KALRN: variants seen among roughly 807,000 people sequenced by gnomAD.
The protein encoded by KALRN is kalirin.
KALRN carries 70 observed loss-of-function variants against 353.7 expected under a neutral mutation model. The observed-to-expected ratio is 0.20, with a 90% CI of 0.16 to 0.24. The LOEUF (loss-of-function observed/expected upper bound fraction) is 0.24. KALRN is among the 10% of genes least tolerant of loss of function. The pLI is 1.00. For synonymous variants in KALRN, 1,391 were observed against 1,434.8 expected (o/e 0.97, Z 0.69); for missense variants, 2,791 against 3,756.7 (o/e 0.74, Z 6.72).
At position 124,671,669 on chromosome 3, in the gene KALRN, C is replaced by G. The variant is rs753559897; in HGVS notation, c.6713C>G (p.Ser2238Trp). The G allele has an allele frequency of 8.7e-6, 14 of 1,611,052 alleles. No homozygotes were observed. The South Asian group carries it at 1.4e-4, about 16-fold the overall frequency. ...TGCTCTTATCCCACAGCACTGCAAT[C>G]GCCCATTGAGTATCAACGGAAAGAA... Reference protein sequence around the residue: ...TQRDFLNALQSPIEYQRKERS... With the variant: ...TQRDFLNALQWPIEYQRKERS... Residue 2238 changes from serine (S) to tryptophan (W), a missense_variant, in exon 48 of 60, where the codon TCG (serine) becomes TGG (tryptophan). By Grantham distance (177) the Ser-to-Trp change is radical. This residue lies in a region of KALRN where 1,065 missense variants were observed against 1,156.4 expected (regional missense o/e 0.92). Coordinates refer to ENST00000682506, the MANE Select transcript of KALRN (RefSeq NM_001388419.1).
intron 16 of KALRN, among the ~76,000 whole-genome samples, chr3:124,432,666 T>C (rs2093325010): frequency 1.3e-5 from 2 of 152,196 alleles, no homozygotes; most frequent in Non-Finnish European, 2.9e-5. Context: ...TGAGGAAGCA[T>C]GGGTAAATGT....
chr3:124,229,033 A>T (rs985428655), intron 2 of KALRN, among the ~76,000 whole-genome samples: 1 of 152,208 alleles, frequency 6.6e-6, no homozygotes, highest in Non-Finnish European at 1.5e-5. Flanking sequence ...ATAATCTAGA[A>T]TAATTGCCCT....
At chr3:124,200,413 G>T (rs1296290860) in intron 1 of KALRN, among the ~76,000 whole-genome samples, 1 of 152,190 alleles carries the variant, frequency 6.6e-6, no homozygotes, top group Non-Finnish European at 1.5e-5. Flanking sequence ...GCGAGGGCAT[G>T]TTCCTCATGA....
intron 1 of KALRN, among the ~76,000 whole-genome samples, chr3:124,156,737 G>T (rs1680131815): frequency 6.6e-6 from 1 of 152,122 alleles, no homozygotes; most frequent in South Asian, 2.1e-4. Context: ...TCCATGTGTT[G>T]GGGTCCTGTG....
intron 33 of KALRN, among the ~76,000 whole-genome samples, chr3:124,522,018 A>G (rs2067204938): frequency 1.3e-5 from 2 of 152,304 alleles, no homozygotes; most frequent in East Asian, 1.9e-4. Flanking sequence ...ATAACACAGC[A>G]TATTAGAAGA....
chr3:124,427,835 G>A (rs937457753), intron 15 of KALRN, among the ~76,000 whole-genome samples: 1 of 152,216 alleles, frequency 6.6e-6, no homozygotes, highest in Admixed American at 6.5e-5. Flanking sequence ...TATCTTTAAA[G>A]ATCATCTAAC....
chr3:124,417,293 T>C (rs187017190), intron 14 of KALRN, among the ~76,000 whole-genome samples: 4,813 of 152,316 alleles, frequency 0.032, 230 homozygotes, highest in African/African-American at 0.11. Context: ...TTCTGTCTAC[T>C]GTGGCACGCC....
intron 10 of KALRN, among the ~76,000 whole-genome samples, chr3:124,353,566 T>A (rs2083062948): frequency 2.0e-5 from 3 of 152,170 alleles, no homozygotes. Context: ...GAAAGCTACA[T>A]CATCTGGCAA....
At chr3:124,379,838 C>T (rs1334626352) in intron 10 of KALRN, among the ~76,000 whole-genome samples, 1 of 152,216 alleles carries the variant, frequency 6.6e-6, no homozygotes, top group Non-Finnish European at 1.5e-5. Context: ...CTGTAAAGTA[C>T]TATTCAAATG....
intron 10 of KALRN, among the ~76,000 whole-genome samples, chr3:124,372,490 A>G (rs2085968264): frequency 1.0e-5 from 1 of 98,188 alleles, no homozygotes; most frequent in African/African-American, 3.5e-5. Context: ...TTTCTTATCT[A>G]TAATATAATA....
intron 34 of KALRN, among the ~76,000 whole-genome samples, chr3:124,597,787 T>C (rs959931695): frequency 4.3e-5 from 6 of 138,140 alleles, no homozygotes; most frequent in African/African-American, 1.5e-4. Context: ...AAATATGAGA[T>C]TAAAAAAAAA....
At chr3:124,546,902 A>G (rs2069745247) in intron 33 of KALRN, among the ~76,000 whole-genome samples, 1 of 152,152 alleles carries the variant, frequency 6.6e-6, no homozygotes, top group Non-Finnish European at 1.5e-5. Context: ...TGGGGCAGGT[A>G]TTTGGGAACT....
chr3:124,316,716 C>A (rs1209364679), intron 6 of KALRN, among the ~76,000 whole-genome samples: 2 of 152,198 alleles, frequency 1.3e-5, no homozygotes, highest in East Asian at 1.9e-4. Flanking sequence ...TTATGTAACA[C>A]TGAAATAAAG....
intron 43 of KALRN, among the ~76,000 whole-genome samples, chr3:124,660,333 A>G (rs969949504): frequency 7.9e-5 from 12 of 152,274 alleles, no homozygotes; most frequent in African/African-American, 2.4e-4. Flanking sequence ...CTTTCTTGTC[A>G]TAATCCCCCT....
chr3:124,127,792 A>AG (rs1345732423), intron 1 of KALRN, among the ~76,000 whole-genome samples: 1 of 152,224 alleles, frequency 6.6e-6, no homozygotes, highest in African/African-American at 2.4e-5. Flanking sequence ...TCAACCCTCT[A>AG]GAGTAATGCA....
At chr3:124,468,929 CG>C (rs1489686893) in intron 25 of KALRN, among the ~76,000 whole-genome samples, 1 of 152,166 alleles carries the variant, frequency 6.6e-6, no homozygotes, top group African/African-American at 2.4e-5. Context: ...TGATTATAGA[CG>C]TTAGGGAATA....
At chr3:124,226,585 G>T (rs376110288) in intron 1 of KALRN, among the ~76,000 whole-genome samples, 6 of 152,154 alleles carry the variant, frequency 3.9e-5, no homozygotes, top group Non-Finnish European at 7.3e-5. Flanking sequence ...TAGGTTTAGG[G>T]TATGACCTCT....
intron 28 of KALRN, among the ~76,000 whole-genome samples, chr3:124,483,167 T>G (rs1304613577): frequency 2.0e-5 from 3 of 152,238 alleles, no homozygotes; most frequent in South Asian, 2.1e-4. Context: ...GCAATTGCCT[T>G]CTCAGGCACT....
chr3:124,522,864 G>C (rs1020909080), intron 33 of KALRN, among the ~76,000 whole-genome samples: 1 of 152,122 alleles, frequency 6.6e-6, no homozygotes, highest in African/African-American at 2.4e-5. Context: ...CAGCAGAATC[G>C]TTTAAAAATT....
Sources: allele counts gnomAD v4.1 joint callset (sites outside exome capture counted in the v4.1 genomes callset), GRCh38; gene constraint gnomAD v4.1.1; regional missense constraint gnomAD v4.1.1; transcripts MANE v1.5; gene names NCBI Gene and HGNC (gene_info 2026-07-23, HGNC 2026-07-21).